Variants in TOM1L1 observed in about 807,000 individuals in gnomAD.
TOM1L1 encodes target of myb1 like 1 membrane trafficking protein, also known as TOM1-like protein 1.
TOM1L1 carries 64 observed loss-of-function variants against 63.4 expected under a neutral mutation model. That is an observed-to-expected ratio of 1.01 (90% CI 0.83 to 1.24). The LOEUF is 1.24. TOM1L1 is among the 50% of genes most tolerant of loss of function. TOM1L1 has a pLI of 0.00. For missense variants in TOM1L1, 536 were observed against 567.0 expected (o/e 0.95, Z 0.55); for synonymous variants, 166 against 194.4 (o/e 0.85, Z 1.22).
chr17:54,914,857 C>T, intron 6 of TOM1L1, 114 bp downstream of exon 6: 2 of 837,560 alleles, frequency 2.4e-6, no homozygotes, highest in Admixed American at 1.8e-5. Flanking sequence ...ACTCATTTCA[C>T]AGAGGAAGAG....
chr17:54,901,434 A>C (rs1163788933), intron 1 of TOM1L1, among the ~76,000 whole-genome samples: 1 of 152,144 alleles, frequency 6.6e-6, no homozygotes, highest in Non-Finnish European at 1.5e-5. Context: ...GTAAACAAAG[A>C]GAATGAAAAT....
At chr17:54,958,251 CAAGT>C (rs1248315516) in intron 14 of TOM1L1, 1 of 152,118 alleles carries the variant, frequency 6.6e-6, no homozygotes, top group Non-Finnish European at 1.5e-5. Context: ...CAGGGGCAGA[CAAGT>C]AAGATAAGAA....
At chr17:54,954,140 T>C (rs1200916735) in intron 14 of TOM1L1, 1 of 152,184 alleles carries the variant, frequency 6.6e-6, no homozygotes. Flanking sequence ...CACCAGGTTA[T>C]CAGCACACAT....
In TOM1L1 at chr17:54,955,396, T is replaced by C. The variant is rs374185482; in HGVS notation, c.1371-5170T>C. Among the ~76,000 whole-genome samples, 227 of 152,306 alleles carry C rather than the reference T, an allele frequency of 1.5e-3. 7 individuals are homozygous for C. In the South Asian group the frequency reaches 0.046, roughly 31 times the overall value. On this transcript the variant is annotated intron_variant, in intron 14 of 15. Coordinates refer to ENST00000575882, the MANE Select transcript of TOM1L1 (RefSeq NM_005486.3). ...ACTGTTCATGTAACCTTTGTATCAC[T>C]GCATTCTGGTTCCAGGGATCATGAT... is the stretch of plus-strand genomic sequence containing the variant.
chr17:54,936,481 A>G (rs962008945), intron 8 of TOM1L1, 168 bp from the exon 9 acceptor site: 1 of 562,828 alleles, frequency 1.8e-6, no homozygotes, highest in African/African-American at 1.9e-5. Context: ...GAGGGTATGA[A>G]TACTCTGTAA....
chr17:54,934,075 C>T (rs759844186), intron 8 of TOM1L1, among the ~76,000 whole-genome samples: 1 of 152,182 alleles, frequency 6.6e-6, no homozygotes, highest in South Asian at 2.1e-4. Flanking sequence ...AGTGAATCTG[C>T]ACTTCTACAT....
chr17:54,933,581 G>A (rs2048899411), intron 8 of TOM1L1, among the ~76,000 whole-genome samples: 1 of 152,178 alleles, frequency 6.6e-6, no homozygotes, highest in African/African-American at 2.4e-5. Context: ...GCAGTGCAGT[G>A]GTGCGATCTT....
chr17:54,909,867 T>G (rs1338125135), intron 3 of TOM1L1, among the ~76,000 whole-genome samples: 1 of 152,212 alleles, frequency 6.6e-6, no homozygotes, highest in African/African-American at 2.4e-5. Flanking sequence ...TGCATCAAAG[T>G]TCAATTTCAG....
At chr17:54,931,044 A>G (rs2143860915) in intron 8 of TOM1L1, among the ~76,000 whole-genome samples, 1 of 152,076 alleles carries the variant, frequency 6.6e-6, no homozygotes, top group African/African-American at 2.4e-5. Flanking sequence ...CACCTCTAAA[A>G]GAAATAATAA....
chr17:54,900,960 G>A (rs777737685), intron 1 of TOM1L1, 37 bp downstream of exon 1: 2 of 1,613,088 alleles, frequency 1.2e-6, no homozygotes, highest in Admixed American at 1.7e-5. Flanking sequence ...AGGCAGGCAG[G>A]GGACCGTGGG....
At chr17:54,910,192 A>G (rs1217802857) in intron 3 of TOM1L1, among the ~76,000 whole-genome samples, 1 of 152,242 alleles carries the variant, frequency 6.6e-6, no homozygotes, top group Non-Finnish European at 1.5e-5. Flanking sequence ...GCAGTGGTTC[A>G]TGCCTGTAAT....
intron 3 of TOM1L1, among the ~76,000 whole-genome samples, chr17:54,910,052 C>T (rs2048472679): frequency 6.6e-6 from 1 of 152,196 alleles, no homozygotes; most frequent in Non-Finnish European, 1.5e-5. Flanking sequence ...GACTGCTAAT[C>T]TCCAGATGTT....
At chr17:54,928,358 GA>G (rs373094723) in intron 7 of TOM1L1, among the ~76,000 whole-genome samples, 1 of 135,052 alleles carries the variant, frequency 7.4e-6, no homozygotes, top group African/African-American at 2.9e-5. Flanking sequence ...ATTATAGATG[GA>G]AAAAAACCAA....
At chr17:54,918,206 A>G (rs887915472) in intron 7 of TOM1L1, among the ~76,000 whole-genome samples, 1 of 152,226 alleles carries the variant, frequency 6.6e-6, no homozygotes, top group Non-Finnish European at 1.5e-5. Context: ...ACTGTGGCCT[A>G]TGGGCCAAAT....
At chr17:54,903,552 C>T in intron 1 of TOM1L1, 156 bp from the exon 2 acceptor site, 2 of 668,622 alleles carry the variant, frequency 3.0e-6, no homozygotes, top group South Asian at 3.5e-5. Flanking sequence ...CTGATTGATT[C>T]CTGAATTACT....
intron 7 of TOM1L1, among the ~76,000 whole-genome samples, chr17:54,928,186 G>A (rs539586695): frequency 1.3e-5 from 2 of 152,170 alleles, no homozygotes; most frequent in Non-Finnish European, 2.9e-5. Flanking sequence ...GCATATTACA[G>A]GATTGTATTC....
chr17:54,905,401 C>G, intron 2 of TOM1L1, 88 bp from the exon 3 acceptor site: 5 of 872,850 alleles, frequency 5.7e-6, no homozygotes. Flanking sequence ...TTAGCCATTC[C>G]TCTCTCCAAA....
rs1419891918 is a variant in TOM1L1, at chr17:54,913,836, C to T, written c.461C>T (p.Pro154Leu). ...LDLVKKGVQF[P>L]PSEAEAETAR... Reference sequence around the variant, plus strand: ...CTGGTTAAGAAAGGCGTTCAGTTTCCTCCCTCAGAAGCAGAGGCTGAAACA... The same window carrying T: ...CTGGTTAAGAAAGGCGTTCAGTTTCTTCCCTCAGAAGCAGAGGCTGAAACA... Residue 154 changes from proline to leucine, a missense_variant, in exon 5 of 16, where the codon CCT (proline) becomes CTT (leucine). Physicochemically the swap from Pro to Leu is moderately conservative, Grantham distance 98. Transcript: ENST00000575882. 7 of 1,611,238 alleles carry T rather than the reference C, an allele frequency of 4.3e-6. No homozygotes were observed. In the South Asian group the frequency reaches 6.6e-5, roughly 15 times the overall value.
At chr17:54,908,855 C>T (rs1263853792) in intron 3 of TOM1L1, among the ~76,000 whole-genome samples, 2 of 152,166 alleles carry the variant, frequency 1.3e-5, no homozygotes, top group Non-Finnish European at 2.9e-5. Context: ...CTTTGTGGAG[C>T]ACCCCCTAAG....
Sources: gnomAD v4.1 joint callset for allele counts (sites outside exome capture counted in the v4.1 genomes callset) on GRCh38, gnomAD v4.1.1 for gene constraint, MANE v1.5 for transcripts, NCBI Gene and HGNC (gene_info 2026-07-23, HGNC 2026-07-21) for gene names.